COL24A1: variants seen among roughly 807,000 people sequenced by gnomAD.
COL24A1 encodes the protein collagen type XXIV alpha 1 chain, also known as collagen alpha-1(XXIV) chain.
A neutral mutation model predicts 253.9 loss-of-function variants in COL24A1; 224 were observed. The observed-to-expected ratio is 0.88, with a 90% CI of 0.79 to 0.99. COL24A1 has a LOEUF of 0.99. Among genes scored for constraint, COL24A1 ranks in the 50% least tolerant of loss-of-function variants. The probability of loss-of-function intolerance (pLI) is 0.00; values close to 1 mark genes in which losing one functional copy is unlikely to be tolerated. For missense variants in COL24A1, 2,131 were observed against 2,068.5 expected, an observed-to-expected ratio of 1.03 and a Z score of -0.59; for synonymous variants, 685 against 673.7, an observed-to-expected ratio of 1.02 and a Z score of -0.26.
In COL24A1 at chr1:86,022,487, T is replaced by C. The variant is rs745431337; in HGVS notation, c.2202+51A>G. ...ATAAAATAATAAGCAGTTCTTTCTT[T>C]TGAATTTACACTTTTTCATATTTAC... On this transcript the variant is annotated intron_variant, in intron 17 of 59. Coordinates refer to ENST00000370571, the MANE Select transcript of COL24A1 (RefSeq NM_152890.7). 6 of 1,501,538 alleles carry C rather than the reference T, an allele frequency of 4.0e-6. No homozygotes were observed. In the Admixed American group the frequency reaches 8.8e-5, roughly 22 times the overall value. The allele number at this position is 1,501,538 out of a possible 1,614,324, so 93.0% of individuals were successfully genotyped here. A position where few individuals can be genotyped will look rare whatever the true frequency, so the allele number is the denominator to read the frequency against.
At chr1:85,812,737 G>A (rs1345593597) in intron 47 of COL24A1, among the ~76,000 whole-genome samples, 1 of 152,134 alleles carries the variant, frequency 6.6e-6, no homozygotes, top group Non-Finnish European at 1.5e-5. Context: ...CAATAATCAG[G>A]TAAACAAGAT....
intron 6 of COL24A1, among the ~76,000 whole-genome samples, chr1:86,091,945 T>C (rs1434029486): frequency 1.3e-5 from 2 of 152,106 alleles, no homozygotes; most frequent in African/African-American, 2.4e-5. Context: ...TGTGTACATA[T>C]GTATTAACAG....
intron 6 of COL24A1, among the ~76,000 whole-genome samples, chr1:86,090,196 C>A (rs554360996): frequency 6.6e-6 from 1 of 152,278 alleles, no homozygotes; most frequent in South Asian, 2.1e-4. Context: ...GAAGATAAAA[C>A]TGCACAAGGA....
intron 3 of COL24A1, among the ~76,000 whole-genome samples, chr1:86,122,845 GA>G (rs1282649158): frequency 6.6e-6 from 1 of 151,930 alleles, no homozygotes; most frequent in East Asian, 1.9e-4. Flanking sequence ...TTACCAGACC[GA>G]TTTTCCAATT....
chr1:85,739,772 C>T (rs1664409321), intron 57 of COL24A1, among the ~76,000 whole-genome samples: 1 of 152,098 alleles, frequency 6.6e-6, no homozygotes, highest in African/African-American at 2.4e-5. Flanking sequence ...TCCTCCCCAA[C>T]CCTCTTACTT....
intron 19 of COL24A1, among the ~76,000 whole-genome samples, chr1:85,995,139 T>C (rs1162605110): frequency 2.0e-5 from 3 of 146,724 alleles, no homozygotes; most frequent in Non-Finnish European, 4.5e-5. Flanking sequence ...AGACTTTTGT[T>C]TAGATAGTAT....
intron 55 of COL24A1, among the ~76,000 whole-genome samples, chr1:85,757,911 G>A (rs1195139035): frequency 6.6e-6 from 1 of 152,110 alleles, no homozygotes. Flanking sequence ...TCTAGTTAGA[G>A]AGAACATATT....
intron 11 of COL24A1, among the ~76,000 whole-genome samples, chr1:86,049,484 A>G (rs961976875): frequency 2.0e-5 from 3 of 152,180 alleles, no homozygotes; most frequent in African/African-American, 7.2e-5. Context: ...ATGACAATCT[A>G]CTAATATTGT....
intron 19 of COL24A1, 120 bp downstream of exon 19, chr1:86,017,031 G>A (rs1697056274): frequency 3.3e-6 from 3 of 903,926 alleles, no homozygotes; most frequent in East Asian, 2.9e-5. Flanking sequence ...AACTATTTAC[G>A]GAGATCTAAA....
chr1:86,077,876 A>T (rs1557524943), intron 7 of COL24A1, among the ~76,000 whole-genome samples: 1 of 152,112 alleles, frequency 6.6e-6, no homozygotes, highest in South Asian at 2.1e-4. Context: ...TAGGAGAAAT[A>T]CCTAATGCAG....
At chr1:85,795,127 G>T (rs1312857400) in intron 47 of COL24A1, among the ~76,000 whole-genome samples, 1 of 152,084 alleles carries the variant, frequency 6.6e-6, no homozygotes. Context: ...TATTTGATCT[G>T]GTGTCAGTTA....
intron 20 of COL24A1, among the ~76,000 whole-genome samples, chr1:85,982,329 T>C (rs1177125956): frequency 6.6e-6 from 1 of 152,058 alleles, no homozygotes; most frequent in African/African-American, 2.4e-5. Flanking sequence ...AAATGAGAAA[T>C]GTCTACAGAT....
intron 39 of COL24A1, among the ~76,000 whole-genome samples, chr1:85,845,974 GC>G (rs1324718614): frequency 6.6e-6 from 1 of 151,574 alleles, no homozygotes; most frequent in East Asian, 1.9e-4. Context: ...TGAAGTATTT[GC>G]CCTAACAGAA....
chr1:85,829,441 C>T (rs1467040594), intron 43 of COL24A1, among the ~76,000 whole-genome samples: 1 of 151,512 alleles, frequency 6.6e-6, no homozygotes, highest in African/African-American at 2.4e-5. Flanking sequence ...GTGGCGTTCT[C>T]TGTATTTCCT....
chr1:86,150,427 A>C lies in COL24A1; in HGVS notation c.57-4244T>G, dbSNP rs563645727. On this transcript the variant is annotated intron_variant, in intron 1 of 59. Coordinates refer to ENST00000370571, the MANE Select transcript of COL24A1 (RefSeq NM_152890.7). ...TTATCTCCCAATGACTGAGGAATTCACTTTTTCCTTATGGACTTGATTCTT... is the reference window on the plus strand; with the variant it reads ...TTATCTCCCAATGACTGAGGAATTCCCTTTTTCCTTATGGACTTGATTCTT... 3.3e-5 allele frequency among the ~76,000 whole-genome samples: 5 copies of C among 152,316 alleles called. No individual in the cohort carries two copies. In the East Asian group the frequency reaches 7.7e-4, roughly 23 times the overall value.
chr1:85,846,405 T>G (rs1302605456), intron 39 of COL24A1, among the ~76,000 whole-genome samples: 3 of 151,726 alleles, frequency 2.0e-5, no homozygotes, highest in Non-Finnish European at 4.4e-5. Flanking sequence ...TATATAAAAA[T>G]TAAAATGATC....
At chr1:85,985,698 A>G (rs10493782) in intron 20 of COL24A1, among the ~76,000 whole-genome samples, 17,550 of 151,762 alleles carry the variant, frequency 0.12, 1,145 homozygotes, top group South Asian at 0.23. Flanking sequence ...AATTTCTATC[A>G]AAGGAGAGAT....
chr1:86,087,389 C>A (rs1703139735), intron 7 of COL24A1, among the ~76,000 whole-genome samples: 1 of 152,132 alleles, frequency 6.6e-6, no homozygotes, highest in Non-Finnish European at 1.5e-5. Context: ...CTGCTTTAAA[C>A]AAGTACAACT....
chr1:86,104,975 T>C (rs1704819335), intron 5 of COL24A1, among the ~76,000 whole-genome samples: 1 of 152,078 alleles, frequency 6.6e-6, no homozygotes, highest in African/African-American at 2.4e-5. Context: ...GTCACACTGG[T>C]GGTGGTGTTA....
Sources: gnomAD v4.1 joint callset for allele counts (sites outside exome capture counted in the v4.1 genomes callset) on GRCh38, gnomAD v4.1.1 for gene constraint, MANE v1.5 for transcripts, NCBI Gene and HGNC (gene_info 2026-07-23, HGNC 2026-07-21) for gene names.